BAIAP2L1: variants seen among roughly 807,000 people sequenced by gnomAD.
BAIAP2L1 encodes BAR/IMD domain containing adaptor protein 2 like 1.
Under a neutral mutation model 66.3 loss-of-function variants are expected in BAIAP2L1, and 35 were observed. That is an observed-to-expected ratio of 0.53 (90% CI 0.40 to 0.70). BAIAP2L1 has a LOEUF of 0.70. Among genes scored for constraint, BAIAP2L1 ranks in the 30% least tolerant of loss-of-function variants. BAIAP2L1 has a pLI of 0.00. For missense variants in BAIAP2L1, 622 were observed against 656.9 expected, an observed-to-expected ratio of 0.95 and a Z score of 0.58; for synonymous variants, 269 against 248.7, an observed-to-expected ratio of 1.08 and a Z score of -0.77.
chr7:98,326,431 G>A (rs977461690), intron 3 of BAIAP2L1, among the ~76,000 whole-genome samples: 1 of 152,142 alleles, frequency 6.6e-6, no homozygotes, highest in African/African-American at 2.4e-5. Flanking sequence ...GTCTTACAAG[G>A]AGACATTGTA....
chr7:98,378,389 C>A (rs1284322752), intron 1 of BAIAP2L1, among the ~76,000 whole-genome samples: 1 of 152,168 alleles, frequency 6.6e-6, no homozygotes, highest in African/African-American at 2.4e-5. Context: ...ACATTCCCTG[C>A]AGCTGCATGC....
intron 1 of BAIAP2L1, among the ~76,000 whole-genome samples, chr7:98,367,195 G>A (rs1351432901): frequency 6.6e-6 from 1 of 151,788 alleles, no homozygotes; most frequent in East Asian, 1.9e-4. Flanking sequence ...CATAAGAGTT[G>A]TAAAAATAAT....
chr7:98,371,480 C>T (rs1485462501), intron 1 of BAIAP2L1, among the ~76,000 whole-genome samples: 2 of 152,182 alleles, frequency 1.3e-5, no homozygotes, highest in African/African-American at 2.4e-5. Context: ...AGAACAGTTC[C>T]GCTGGAACCA....
chr7:98,343,324 G>A lies in BAIAP2L1; in HGVS notation c.214+11718C>T, dbSNP rs78217414. On this transcript the variant is annotated intron_variant, in intron 3 of 13. Transcript: ENST00000005260. ...ACACTAGCTGGGTGTGGTGGCAGGCGCCAGTAGTCCCAGCTACTTGGGAGG... is the reference window on the plus strand; with the variant it reads ...ACACTAGCTGGGTGTGGTGGCAGGCACCAGTAGTCCCAGCTACTTGGGAGG... 5.9e-5 allele frequency among the ~76,000 whole-genome samples: 9 copies of A among 151,600 alleles called. No individual in the cohort carries two copies. The East Asian group carries it at 9.7e-4, about 16-fold the overall frequency.
intron 1 of BAIAP2L1, among the ~76,000 whole-genome samples, chr7:98,386,900 C>T (rs993845408): frequency 8.6e-5 from 13 of 151,758 alleles, no homozygotes; most frequent in Non-Finnish European, 1.8e-4. Context: ...GGGGTTTCAC[C>T]GTGTTGGCCA....
intron 3 of BAIAP2L1, among the ~76,000 whole-genome samples, chr7:98,327,326 A>G (rs1270165565): frequency 6.6e-6 from 1 of 151,704 alleles, no homozygotes; most frequent in East Asian, 1.9e-4. Context: ...ATGCCACTGC[A>G]CTCCAGCCTA....
intron 1 of BAIAP2L1, among the ~76,000 whole-genome samples, chr7:98,377,050 T>TG (rs1802649959): frequency 6.6e-6 from 1 of 152,210 alleles, no homozygotes; most frequent in Non-Finnish European, 1.5e-5. Flanking sequence ...GAAGATATTC[T>TG]GCTTAAGGGC....
chr7:98,336,034 T>C (rs1350592199), intron 3 of BAIAP2L1, among the ~76,000 whole-genome samples: 3 of 151,888 alleles, frequency 2.0e-5, no homozygotes, highest in African/African-American at 7.3e-5. Flanking sequence ...CCTAAGTGAA[T>C]TAACGCAGGA....
At chr7:98,318,228 CTCTT>C (rs1247349886) in intron 5 of BAIAP2L1, among the ~76,000 whole-genome samples, 2 of 152,228 alleles carry the variant, frequency 1.3e-5, no homozygotes, top group Non-Finnish European at 2.9e-5. Flanking sequence ...AGGACATCTT[CTCTT>C]TCTTTTATTC....
At chr7:98,393,729 C>T (rs1051927627) in intron 1 of BAIAP2L1, among the ~76,000 whole-genome samples, 3 of 150,212 alleles carry the variant, frequency 2.0e-5, no homozygotes, top group African/African-American at 7.3e-5. Flanking sequence ...TCGCAATCCG[C>T]CCGCCTCGGC....
At chr7:98,341,585 T>C (rs1801742827) in intron 3 of BAIAP2L1, among the ~76,000 whole-genome samples, 1 of 152,202 alleles carries the variant, frequency 6.6e-6, no homozygotes, top group Non-Finnish European at 1.5e-5. Flanking sequence ...GTTGGCAGAC[T>C]AGGTCATATA....
intron 3 of BAIAP2L1, among the ~76,000 whole-genome samples, chr7:98,342,137 C>T (rs772575606): frequency 4.0e-5 from 6 of 150,836 alleles, no homozygotes; most frequent in Admixed American, 2.7e-4. Flanking sequence ...CTGCAACCTC[C>T]GCCTCCCAGG....
At chr7:98,379,858 A>C (rs1483864056) in intron 1 of BAIAP2L1, among the ~76,000 whole-genome samples, 1 of 152,212 alleles carries the variant, frequency 6.6e-6, no homozygotes, top group Non-Finnish European at 1.5e-5. Flanking sequence ...AGAAAAGACA[A>C]ATCTGTAGAG....
chr7:98,373,687 C>A (rs1802561086), intron 1 of BAIAP2L1, among the ~76,000 whole-genome samples: 1 of 152,198 alleles, frequency 6.6e-6, no homozygotes. Flanking sequence ...ACTCTGCAAG[C>A]ACTTGATACT....
At position 98,379,322 on chromosome 7, in the gene BAIAP2L1, C is replaced by T. The variant is rs77009390; in HGVS notation, c.52-16890G>A. Among the ~76,000 whole-genome samples, 5 of 152,304 alleles carry T rather than the reference C, an allele frequency of 3.3e-5. No individual in the cohort carries two copies. The East Asian group carries it at 5.8e-4, about 18-fold the overall frequency. On this transcript the variant is annotated intron_variant, in intron 1 of 13. Transcript: ENST00000005260. ...CATAAGAGATGCCTGCACCCACGGACGAACCAGCTGCAGGCTGTACCCTCA... is the reference window on the plus strand; with the variant it reads ...CATAAGAGATGCCTGCACCCACGGATGAACCAGCTGCAGGCTGTACCCTCA...
intron 3 of BAIAP2L1, 135 bp downstream of exon 3, chr7:98,354,907 A>G (rs1802084221): frequency 1.5e-6 from 1 of 667,380 alleles, no homozygotes; most frequent in Non-Finnish European, 2.7e-6. Flanking sequence ...CAATTTCCAC[A>G]GACCGCGGTG....
intron 1 of BAIAP2L1, among the ~76,000 whole-genome samples, chr7:98,398,706 G>A (rs1323741370): frequency 1.3e-5 from 2 of 152,160 alleles, no homozygotes; most frequent in Non-Finnish European, 2.9e-5. Context: ...ACATGCCCAA[G>A]TGGTTGGCAT....
At chr7:98,391,036 G>GT (rs1803029168) in intron 1 of BAIAP2L1, among the ~76,000 whole-genome samples, 1 of 150,798 alleles carries the variant, frequency 6.6e-6, no homozygotes. Flanking sequence ...TAGAAATGGG[G>GT]TTTCACCATG....
intron 13 of BAIAP2L1, 28 bp downstream of exon 13, chr7:98,294,046 T>C (rs776358441): frequency 5.6e-6 from 9 of 1,611,914 alleles, no homozygotes; most frequent in Non-Finnish European, 7.6e-6. Context: ...TGTCACACAC[T>C]GAGGCTCACG....
Sources: allele counts gnomAD v4.1 joint callset (sites outside exome capture counted in the v4.1 genomes callset), GRCh38; gene constraint gnomAD v4.1.1; transcripts MANE v1.5; gene names NCBI Gene and HGNC (gene_info 2026-07-23, HGNC 2026-07-21).